Variants in AKR1C2 observed in about 807,000 individuals in gnomAD.
The protein encoded by AKR1C2 is 3-alpha-HSD3.
In AKR1C2, 27 loss-of-function variants were observed where a neutral mutation model predicts 39.8. The ratio of observed to expected loss-of-function variants is 0.68; its 90% CI spans 0.50 to 0.93. The LOEUF (loss-of-function observed/expected upper bound fraction) is 0.93, where lower values mean the gene tolerates loss of function less well. Among genes scored for constraint, AKR1C2 ranks in the 40% least tolerant of loss-of-function variants. AKR1C2 has a pLI of 0.00. For synonymous variants in AKR1C2, 114 were observed against 137.9 expected, an observed-to-expected ratio of 0.83 and a Z score of 1.22; for missense variants, 263 against 365.1, an observed-to-expected ratio of 0.72 and a Z score of 2.28.
chr10:5,014,546 G>T (rs1837596802), intron 1 of AKR1C2, among the ~76,000 whole-genome samples: 1 of 152,198 alleles, frequency 6.6e-6, no homozygotes. Flanking sequence ...TTCTTATCTT[G>T]AATACATCCT....
In AKR1C2 at chr10:4,995,682, G is replaced by A. The variant is rs1474008379; in HGVS notation, c.680+74C>T. 12 of 1,480,048 alleles carry A rather than the reference G, an allele frequency of 8.1e-6. No individual in the cohort carries two copies. The African/African-American group carries it at 1.4e-4, about 17-fold the overall frequency. The allele number at this position is 1,480,048 out of a possible 1,614,324, so 91.7% of individuals were successfully genotyped here. On this transcript the variant is annotated intron_variant, in intron 6 of 8. Coordinates refer to ENST00000380753, the MANE Select transcript of AKR1C2 (RefSeq NM_001393392.1). Reference sequence around the variant, plus strand: ...CCAAGTCAGCTGTGAGTGAACTCCAGGAAACAGCATGATCTGATTAAATTT... The same window carrying A: ...CCAAGTCAGCTGTGAGTGAACTCCAAGAAACAGCATGATCTGATTAAATTT...
chr10:4,998,651 G>T lies in AKR1C2; in HGVS notation c.544C>A (p.Leu182Ile), dbSNP rs782604733. The change falls in exon 5 of 9, where the codon CTC becomes ATC. Residue 182 changes from leucine (L) to isoleucine (I), a missense_variant. By Grantham distance (5) the Leu-to-Ile change is conservative. Around this residue, in one of 3 missense-constraint regions of AKR1C2, gnomAD observed 247 missense variants for 267.9 expected, o/e 0.92. Coordinates refer to ENST00000380753, the MANE Select transcript of AKR1C2 (RefSeq NM_001393392.1). Reference protein sequence around the residue: ...LLEMILNKPGLKYKPVCNQVE... With the variant: ...LLEMILNKPGIKYKPVCNQVE... ...TGGTTGCAGACAGGCTTGTACTTGA[G>T]CCCTGGCTTGTTGAGGATCATCTCC... The T allele has an allele frequency of 6.2e-7, 1 of 1,614,166 alleles. No individual in the cohort carries two copies. The highest frequency in any genetic ancestry group is 8.5e-7 in the Non-Finnish European group (1 of 1,180,024).
intron 3 of AKR1C2, 112 bp from the exon 4 acceptor site, chr10:4,999,389 G>T (rs529112139): frequency 1.9e-6 from 3 of 1,607,404 alleles, no homozygotes; most frequent in African/African-American, 2.7e-5. Context: ...GTGATGCAGC[G>T]CTCCAGAGAG....
rs560237846 is a variant in AKR1C2, at chr10:5,014,501, T to C, written c.-88+3399A>G. Among the ~76,000 whole-genome samples, 1,026 of 152,200 alleles carry C rather than the reference T, an allele frequency of 6.7e-3. 15 individuals carry two copies. Among genetic ancestry groups the C allele is most frequent in the African/African-American group, 0.024 (976 of 41,482 alleles). On this transcript the variant is annotated intron_variant, in intron 1 of 6. Coordinates refer to the AKR1C2 transcript ENST00000604507. ...ATTGGTTGAACAAGGTGTGTTGGCA[T>C]CCAAACCACGCCTTCATCATTTAGT...
intron 2 of AKR1C2, 34 bp from the exon 3 acceptor site, chr10:5,000,700 A>T (rs1837240225): frequency 3.8e-6 from 6 of 1,590,788 alleles, no homozygotes; most frequent in Non-Finnish European, 5.1e-6. Context: ...TTGTGTAATG[A>T]AAACTTGAGC....
chr10:5,001,416 C>T, intron 2 of AKR1C2, 98 bp downstream of exon 2: 2 of 1,519,236 alleles, frequency 1.3e-6, no homozygotes, highest in Non-Finnish European at 1.8e-6. Flanking sequence ...AATAAATAAG[C>T]ACAATTCACC....
At chr10:5,001,790 G>C (rs1564332590) in intron 1 of AKR1C2, 109 bp from the exon 2 acceptor site, 7 of 1,404,846 alleles carry the variant, frequency 5.0e-6, no homozygotes, top group Non-Finnish European at 6.0e-6. Context: ...TCTTGGATGA[G>C]CTCTGTATGT....
intron 5 of AKR1C2, among the ~76,000 whole-genome samples, chr10:4,996,335 T>A (rs1411839539): frequency 2.0e-5 from 3 of 151,636 alleles, no homozygotes; most frequent in Non-Finnish European, 4.4e-5. Flanking sequence ...ATGATATATA[T>A]CTATATAGAT....
At chr10:4,990,673 T>G (rs1235662739) in intron 8 of AKR1C2, among the ~76,000 whole-genome samples, 1 of 151,742 alleles carries the variant, frequency 6.6e-6, no homozygotes, top group South Asian at 2.1e-4. Context: ...ACATATACAG[T>G]TATAACTTGT....
Position 4,990,047 on chromosome 10 carries a change from A to AG in AKR1C2, c.930-10dup, listed in dbSNP as rs34448751. On this transcript the variant is annotated splice_polypyrimidine_tract_variant and intron_variant, in intron 8 of 8. Transcript: ENST00000380753. Reference sequence around the variant, plus strand: ...TAGGGGGGCCAGCAAAACTGGAAAGAGAAAAAAAAATGCACACTCTGAATG... The same window carrying AG: ...TAGGGGGGCCAGCAAAACTGGAAAGAGGAAAAAAAAATGCACACTCTGAATG... 0.22 allele frequency: 343,848 copies of AG among 1,596,778 alleles called. 42,250 individuals are homozygous for AG. The highest frequency in any genetic ancestry group is 0.59 in the East Asian group (25,799 of 43,926).
At chr10:5,014,239 A>G (rs1220667155) in intron 1 of AKR1C2, among the ~76,000 whole-genome samples, 23 of 151,924 alleles carry the variant, frequency 1.5e-4, no homozygotes, top group Non-Finnish European at 3.1e-4. Flanking sequence ...TGTGAGCCCC[A>G]AATACCTGAG....
At chr10:4,998,862 C>T (rs1161019687) in intron 4 of AKR1C2, 115 bp from the exon 5 acceptor site, 7 of 1,493,070 alleles carry the variant, frequency 4.7e-6, no homozygotes, top group Non-Finnish European at 6.3e-6. Flanking sequence ...AACTAGCTAG[C>T]CGTGGTTCTT....
rs1469348244 is a variant in AKR1C2, at chr10:5,003,848, C to G, written c.-13G>C. 1.2e-6 allele frequency: 2 copies of G among 1,613,900 alleles called. No homozygotes were observed. Among genetic ancestry groups the G allele is most frequent in the Non-Finnish European group, 1.7e-6 (2 of 1,179,938 alleles). Reference sequence around the variant, plus strand: ...ATTTCGAATCCATTTCTGTCACTGGCCTGGTTAGCAAATGTTTCTTCCTCC... The same window carrying G: ...ATTTCGAATCCATTTCTGTCACTGGGCTGGTTAGCAAATGTTTCTTCCTCC... On this transcript the variant is annotated 5_prime_UTR_variant, in exon 1 of 9. Transcript: ENST00000380753.
intron 8 of AKR1C2, among the ~76,000 whole-genome samples, chr10:4,990,788 C>G (rs1463518352): frequency 6.6e-6 from 1 of 151,710 alleles, no homozygotes; most frequent in Non-Finnish European, 1.5e-5. Flanking sequence ...CAAAATAACA[C>G]TAGTGATTGA....
chr10:4,998,704 C>T lies in AKR1C2; in HGVS notation c.491G>A (p.Gly164Glu). The T allele has an allele frequency of 1.9e-6, 3 of 1,614,124 alleles. No individual in the cohort carries two copies. The highest frequency in any genetic ancestry group is 2.5e-6 in the Non-Finnish European group (3 of 1,180,038). ...CAGCCTGTGGTTGAAGTTGGACACC[C>T]CGATGGACTTGGCCAATCCTGCATC... ...CKDAGLAKSI[G>E]VSNFNHRLLE... The change falls in exon 5 of 9, where the codon GGG becomes GAG. Residue 164 changes from glycine (G) to glutamate (E), a missense_variant. Transcript: ENST00000380753.
In AKR1C2 at chr10:4,998,486, T is replaced by C. The variant is rs1837138582; in HGVS notation, c.570+139A>G. ...GCAGGGTACAAGTAAGAGGACTCCATGCCCTTCTAGGAAGAGGCTTTGTTC... is the reference window on the plus strand; with the variant it reads ...GCAGGGTACAAGTAAGAGGACTCCACGCCCTTCTAGGAAGAGGCTTTGTTC... On this transcript the variant is annotated intron_variant, in intron 5 of 8. Transcript: ENST00000380753. 7 of 1,491,132 alleles carry C rather than the reference T, an allele frequency of 4.7e-6. No individual in the cohort carries two copies. The Admixed American group carries it at 1.1e-4, about 24-fold the overall frequency. 92.4% of individuals were successfully genotyped at this position (1,491,132 alleles called of 1,614,324 possible).
At chr10:4,994,421 G>C (rs192776150) in intron 7 of AKR1C2, among the ~76,000 whole-genome samples, 1 of 152,106 alleles carries the variant, frequency 6.6e-6, no homozygotes, top group Non-Finnish European at 1.5e-5. Context: ...CTTCCAGTAA[G>C]AGGTGGTGTG....
chr10:5,006,205 A>G (rs2518041), upstream of AKR1C2, among the ~76,000 whole-genome samples: 5 of 152,258 alleles, frequency 3.3e-5, no homozygotes, highest in African/African-American at 9.6e-5. Flanking sequence ...TAAAATCATC[A>G]AAATTTTTCA....
At chr10:5,012,483 A>G (rs1837543036) in intron 1 of AKR1C2, among the ~76,000 whole-genome samples, 1 of 150,906 alleles carries the variant, frequency 6.6e-6, no homozygotes, top group African/African-American at 2.5e-5. Flanking sequence ...ACAATCAAAG[A>G]GGATGTGTAA....
Sources: allele counts gnomAD v4.1 joint callset (sites outside exome capture counted in the v4.1 genomes callset), GRCh38; gene constraint gnomAD v4.1.1; regional missense constraint gnomAD v4.1.1; transcripts MANE v1.5; gene names NCBI Gene and HGNC (gene_info 2026-07-23, HGNC 2026-07-21).